TAF4B: variants seen among roughly 807,000 people sequenced by gnomAD.
TAF4B encodes the protein TATA-box binding protein associated factor 4b, also known as transcription initiation factor TFIID subunit 4B.
Under a neutral mutation model 86.4 loss-of-function variants are expected in TAF4B, and 38 were observed. The ratio of observed to expected loss-of-function variants is 0.44; its 90% CI spans 0.34 to 0.58. The LOEUF (loss-of-function observed/expected upper bound fraction) is 0.58, where lower values mean the gene tolerates loss of function less well. Among genes scored for constraint, TAF4B ranks in the 20% least tolerant of loss-of-function variants. The pLI, the probability that TAF4B is intolerant of heterozygous loss-of-function variation, is 0.02. For synonymous variants in TAF4B, 388 were observed against 391.2 expected, an observed-to-expected ratio of 0.99 and a Z score of 0.10; for missense variants, 988 against 1,027.6, an observed-to-expected ratio of 0.96 and a Z score of 0.53.
At position 26,364,637 on chromosome 18, in the gene TAF4B, G is replaced by T. The variant is rs74581104; in HGVS notation, c.2421+6843G>T. 4.3e-3 allele frequency among the ~76,000 whole-genome samples: 651 copies of T among 150,044 alleles called. 3 individuals are homozygous for T. Among genetic ancestry groups the T allele is most frequent in the African/African-American group, 0.015 (621 of 40,924 alleles). The stretch of plus-strand genomic sequence containing the variant: ...CATGCCTTATTAATGATCCAGCAAC[G>T]TTTTTTTTTAGCACAAAGATAAGTT... On this transcript the variant is annotated intron_variant, in intron 14 of 14. Coordinates refer to ENST00000269142, the MANE Select transcript of TAF4B (RefSeq NM_005640.3).
intron 1 of TAF4B, among the ~76,000 whole-genome samples, chr18:26,263,684 CCTTT>C (rs1231142101): frequency 6.6e-6 from 1 of 152,028 alleles, no homozygotes; most frequent in Non-Finnish European, 1.5e-5. Flanking sequence ...TTCAGAAAGC[CCTTT>C]CTTTCTTTCG....
At position 26,293,525 on chromosome 18, in the gene TAF4B, G is replaced by C. The variant is rs778395273; in HGVS notation, c.1826G>C (p.Cys609Ser). The change falls in exon 9 of 15, where the codon TGC becomes TCC. Residue 609 changes from cysteine (C) to serine (S), a missense_variant. Physicochemically the swap from Cys to Ser is moderately radical, Grantham distance 112. Around this residue, in one of 3 missense-constraint regions of TAF4B, gnomAD observed 747 missense variants for 737.9 expected, o/e 1.01. Coordinates refer to ENST00000269142, the MANE Select transcript of TAF4B (RefSeq NM_005640.3). Reference protein sequence around the residue: ...KNRIKENVTSCFRDEDDINDV... With the variant: ...KNRIKENVTSSFRDEDDINDV... Reference sequence around the variant, plus strand: ...AGAATAAAAGAGAATGTAACATCATGCTTCCGGTAAGAAAATAAATAGTTA... The same window carrying C: ...AGAATAAAAGAGAATGTAACATCATCCTTCCGGTAAGAAAATAAATAGTTA... 3.2e-6 allele frequency: 5 copies of C among 1,550,926 alleles called. No homozygotes were observed. The highest frequency in any genetic ancestry group is 4.7e-5 in the East Asian group (2 of 42,956).
At chr18:26,366,039 C>G (rs570238540) in intron 14 of TAF4B, among the ~76,000 whole-genome samples, 1 of 152,162 alleles carries the variant, frequency 6.6e-6, no homozygotes, top group African/African-American at 2.4e-5. Context: ...GATCCGCTGC[C>G]TCGGCCTCCT....
chr18:26,336,008 A>G (rs1313064459), intron 13 of TAF4B, among the ~76,000 whole-genome samples: 2 of 152,106 alleles, frequency 1.3e-5, no homozygotes, highest in Admixed American at 1.3e-4. Context: ...GAAAGTACCT[A>G]AGGTTGAAGG....
intron 12 of TAF4B, among the ~76,000 whole-genome samples, chr18:26,333,374 C>T (rs1298357032): frequency 1.3e-5 from 2 of 150,050 alleles, no homozygotes; most frequent in Non-Finnish European, 3.0e-5. Flanking sequence ...GTGCATGCCA[C>T]CATGCCCAAA....
At chr18:26,321,548 CTTT>C (rs35766251) in intron 11 of TAF4B, among the ~76,000 whole-genome samples, 25 of 140,608 alleles carry the variant, frequency 1.8e-4, no homozygotes, top group East Asian at 2.0e-4. Context: ...ATTCCTGTTC[CTTT>C]TTTTTTTTTT....
At chr18:26,227,584 G>A (rs1262335516) in intron 1 of TAF4B, among the ~76,000 whole-genome samples, 1 of 152,156 alleles carries the variant, frequency 6.6e-6, no homozygotes, top group Admixed American at 6.5e-5. Context: ...AGGATGGACC[G>A]GTTTATACCG....
Position 26,226,929 on chromosome 18 carries a change from G to A in TAF4B, c.-5G>A. ...GCGCCAAAGCTGCCGCTGAGCCCCT[G>A]GGGGATGCCCGCCGGCCTCACCGAA... On this transcript the variant is annotated 5_prime_UTR_variant, in exon 1 of 15. Transcript: ENST00000269142. 1 of 1,370,636 alleles carries A rather than the reference G, an allele frequency of 7.3e-7. No homozygotes were observed. The highest frequency in any genetic ancestry group is 9.3e-7 in the Non-Finnish European group (1 of 1,071,398). The allele number at this position is 1,370,636 out of a possible 1,614,324, so 84.9% of individuals were successfully genotyped here.
At chr18:26,321,494 T>TATTG (rs1425692500) in intron 11 of TAF4B, among the ~76,000 whole-genome samples, 1 of 151,490 alleles carries the variant, frequency 6.6e-6, no homozygotes, top group African/African-American at 2.4e-5. Context: ...TAGAATGGAA[T>TATTG]ATTGGCTACT....
intron 13 of TAF4B, among the ~76,000 whole-genome samples, chr18:26,355,290 A>T (rs532165385): frequency 6.6e-6 from 1 of 152,282 alleles, no homozygotes; most frequent in East Asian, 1.9e-4. Flanking sequence ...ATATATAGAT[A>T]ACTTGGGGTT....
intron 14 of TAF4B, among the ~76,000 whole-genome samples, chr18:26,387,840 A>G (rs1453915910): frequency 6.6e-6 from 1 of 152,194 alleles, no homozygotes; most frequent in Non-Finnish European, 1.5e-5. Context: ...TGTCCCTCAA[A>G]AACTGGGTAG....
At chr18:26,330,845 T>G (rs1266604621) in intron 12 of TAF4B, among the ~76,000 whole-genome samples, 1 of 152,174 alleles carries the variant, frequency 6.6e-6, no homozygotes, top group Admixed American at 6.5e-5. Flanking sequence ...ATCAGTTATT[T>G]AATCAATGTA....
At chr18:26,353,267 T>A (rs1227335663) in intron 13 of TAF4B, among the ~76,000 whole-genome samples, 1 of 152,204 alleles carries the variant, frequency 6.6e-6, no homozygotes, top group Non-Finnish European at 1.5e-5. Flanking sequence ...TGACTATGTA[T>A]ATTATACTCT....
chr18:26,264,547 G>T (rs2056212841), intron 1 of TAF4B, among the ~76,000 whole-genome samples: 1 of 152,220 alleles, frequency 6.6e-6, no homozygotes, highest in Non-Finnish European at 1.5e-5. Flanking sequence ...ATGTGGCATT[G>T]TTAGGTTACT....
rs1203040954 is a variant in TAF4B, at chr18:26,344,968, C to A, written c.2316+9737C>A. Among the ~76,000 whole-genome samples, 4 of 152,306 alleles carry A rather than the reference C, an allele frequency of 2.6e-5. No homozygotes were observed. In the East Asian group the frequency reaches 7.7e-4, roughly 29 times the overall value. On this transcript the variant is annotated intron_variant, in intron 13 of 14. Transcript: ENST00000269142. ...TGCAGGGAAAAGGCAATCAGAATAA[C>A]CCAGCCAGCCCCTGTTGCCACCACA...
chr18:26,342,298 GA>G (rs973058985), intron 13 of TAF4B, among the ~76,000 whole-genome samples: 4 of 152,052 alleles, frequency 2.6e-5, no homozygotes, highest in African/African-American at 9.7e-5. Context: ...GCATGAGAAA[GA>G]AAAACATTTT....
intron 14 of TAF4B, among the ~76,000 whole-genome samples, chr18:26,376,939 G>A (rs551160501): frequency 3.0e-4 from 46 of 151,850 alleles, no homozygotes; most frequent in Non-Finnish European, 5.6e-4. Flanking sequence ...AGATGATCGT[G>A]CTTTTTTTTC....
At position 26,327,133 on chromosome 18, in the gene TAF4B, C is replaced by T; in HGVS notation, c.2252C>T (p.Ala751Val). 6.2e-7 allele frequency: 1 copy of T among 1,611,440 alleles called. No homozygotes were observed. ...GAAGAAAGAGAAATGTTACTTAAGGCAGCCAAGGTAAGGGCCAGTGTGATT... is the reference window on the plus strand; with the variant it reads ...GAAGAAAGAGAAATGTTACTTAAGGTAGCCAAGGTAAGGGCCAGTGTGATT... Reference protein sequence around the residue: ...DLEEREMLLKAAKSRSNKEDP... With the variant: ...DLEEREMLLKVAKSRSNKEDP... The change falls in exon 12 of 15, where the codon GCA becomes GTA. Residue 751 changes from alanine (A) to valine (V), a missense_variant. Ala to Val is a moderately conservative substitution (Grantham distance 64). Coordinates refer to ENST00000269142, the MANE Select transcript of TAF4B (RefSeq NM_005640.3).
chr18:26,249,475 CT>C (rs762867993), intron 1 of TAF4B, among the ~76,000 whole-genome samples: 1 of 145,062 alleles, frequency 6.9e-6, no homozygotes, highest in Non-Finnish European at 1.5e-5. Context: ...CTCTCTCTCT[CT>C]CAAAAAAAAA....
Sources: gnomAD v4.1 joint callset for allele counts (sites outside exome capture counted in the v4.1 genomes callset) on GRCh38, gnomAD v4.1.1 for gene constraint, gnomAD v4.1.1 regional missense constraint, MANE v1.5 for transcripts, NCBI Gene and HGNC (gene_info 2026-07-23, HGNC 2026-07-21) for gene names.